The following FAM78B variants were observed in gnomAD, a reference collection of about 807,000 sequenced individuals.
The protein encoded by FAM78B is protein FAM78B.
FAM78B carries 10 observed loss-of-function variants against 20.0 expected under a neutral mutation model. That is an observed-to-expected ratio of 0.50 (90% CI 0.31 to 0.85). The LOEUF is 0.85. Ranked by LOEUF, FAM78B falls within the 40% of genes least tolerant of loss-of-function variation. The pLI, the probability that FAM78B is intolerant of heterozygous loss-of-function variation, is 0.05. For missense variants in FAM78B, 283 were observed against 345.0 expected (o/e 0.82, Z 1.42); for synonymous variants, 135 against 132.8 (o/e 1.02, Z -0.12).
At chr1:166,073,536 C>CTCTCT (rs762008469) in intron 1 of FAM78B, among the ~76,000 whole-genome samples, 1 of 135,784 alleles carries the variant, frequency 7.4e-6, no homozygotes, top group African/African-American at 2.7e-5. Flanking sequence ...CTCTTTCTCT[C>CTCTCT]TTTTTTTTTT....
At chr1:166,108,344 C>A (rs1653868816) in intron 1 of FAM78B, among the ~76,000 whole-genome samples, 1 of 152,144 alleles carries the variant, frequency 6.6e-6, no homozygotes, top group Non-Finnish European at 1.5e-5. Flanking sequence ...CTTCTATACA[C>A]CAACAGTGAC....
intron 1 of FAM78B, among the ~76,000 whole-genome samples, chr1:166,107,909 C>T (rs145934681): frequency 7.0e-4 from 107 of 152,188 alleles, no homozygotes; most frequent in African/African-American, 2.4e-3. Flanking sequence ...ATCATTTCAA[C>T]AGCTGCAGAA....
In FAM78B at chr1:166,166,841, G is replaced by T. The variant is rs1276661903; in HGVS notation, c.-593C>A. On this transcript the variant is annotated 5_prime_UTR_variant, in exon 1 of 2. Transcript: ENST00000354422. ...GCAGCAGCGGCGGCGGCGGCGACCG[G>T]AGCTCCCGCCGGCCCCGCCCCGTAG... is the stretch of plus-strand genomic sequence containing the variant. 6.6e-6 allele frequency: 1 copy of T among 150,952 alleles called. No homozygotes were observed. The highest frequency in any genetic ancestry group is 1.9e-4 in the South Asian group (1 of 5,156). 9.4% of individuals were successfully genotyped at this position (150,952 alleles called of 1,614,324 possible).
chr1:166,144,429 C>G (rs180992078), intron 1 of FAM78B, among the ~76,000 whole-genome samples: 1 of 152,252 alleles, frequency 6.6e-6, no homozygotes, highest in Non-Finnish European at 1.5e-5. Flanking sequence ...TCACAGGAAC[C>G]CTTAAACTGC....
In FAM78B at chr1:166,166,302, G is replaced by A. The variant is rs1656379361; in HGVS notation, c.-54C>T. On this transcript the variant is annotated 5_prime_UTR_variant, in exon 1 of 2. Transcript: ENST00000354422. ...CGTGGGGCAGCGCGGGGGCCCGCGC[G>A]GGCAGCCGGGGGCGCCCGTCACGCC... 2 of 1,158,282 alleles carry A rather than the reference G, an allele frequency of 1.7e-6. No homozygotes were observed. Among genetic ancestry groups the A allele is most frequent in the East Asian group, 4.1e-5 (1 of 24,190 alleles). 71.8% of individuals were successfully genotyped at this position (1,158,282 alleles called of 1,614,324 possible).
At chr1:166,109,037 A>C (rs746153534) in intron 1 of FAM78B, among the ~76,000 whole-genome samples, 7 of 152,190 alleles carry the variant, frequency 4.6e-5, no homozygotes, top group Non-Finnish European at 7.3e-5. Flanking sequence ...TAAACCTAAG[A>C]CCCAAAACTA....
At chr1:166,132,924 A>C (rs1312884856) in intron 1 of FAM78B, among the ~76,000 whole-genome samples, 1 of 152,210 alleles carries the variant, frequency 6.6e-6, no homozygotes, top group Admixed American at 6.5e-5. Flanking sequence ...TGATAAGGGC[A>C]GTTTGTAGGG....
At chr1:166,056,373 G>A (rs780419371), downstream of FAM78B, among the ~76,000 whole-genome samples, 17 of 152,058 alleles carry the variant, frequency 1.1e-4, no homozygotes, top group African/African-American at 4.1e-4. Flanking sequence ...CCCACAGAAG[G>A]GTCATATATC....
At chr1:166,115,495 G>A (rs1404334439) in intron 1 of FAM78B, among the ~76,000 whole-genome samples, 1 of 152,232 alleles carries the variant, frequency 6.6e-6, no homozygotes, top group African/African-American at 2.4e-5. Context: ...CAGCCCAGTG[G>A]TGGGACAGAT....
chr1:166,161,026 A>G (rs1289539789), intron 1 of FAM78B, among the ~76,000 whole-genome samples: 1 of 152,240 alleles, frequency 6.6e-6, no homozygotes. Flanking sequence ...GCAGGGAGGA[A>G]GCACATTTCA....
At chr1:166,065,586 G>A (rs1651764557), downstream of FAM78B, among the ~76,000 whole-genome samples, 1 of 152,124 alleles carries the variant, frequency 6.6e-6, no homozygotes, top group South Asian at 2.1e-4. Flanking sequence ...GGACCCTAAG[G>A]TTGGTGATGG....
chr1:166,140,755 GGTA>G (rs1655247907), intron 1 of FAM78B, among the ~76,000 whole-genome samples: 1 of 152,090 alleles, frequency 6.6e-6, no homozygotes, highest in Admixed American at 6.6e-5. Context: ...CTTTTTTGGG[GGTA>G]TGATTTGTAT....
At chr1:166,065,527 G>C (rs1379913859), downstream of FAM78B, among the ~76,000 whole-genome samples, 1 of 152,104 alleles carries the variant, frequency 6.6e-6, no homozygotes, top group African/African-American at 2.4e-5. Flanking sequence ...CAAAGGAAAT[G>C]AAAAACTCTT....
intron 1 of FAM78B, among the ~76,000 whole-genome samples, chr1:166,150,724 G>C (rs140966662): frequency 2.4e-4 from 36 of 152,134 alleles, no homozygotes; most frequent in Non-Finnish European, 4.7e-4. Context: ...CAAGAATATA[G>C]AACATTTGTA....
At chr1:166,154,102 G>A (rs1438712564) in intron 1 of FAM78B, among the ~76,000 whole-genome samples, 1 of 152,236 alleles carries the variant, frequency 6.6e-6, no homozygotes, top group Non-Finnish European at 1.5e-5. Flanking sequence ...GCTCCACAGA[G>A]GCCTCCCAGC....
chr1:166,075,910 T>C (rs1652251430), intron 1 of FAM78B, among the ~76,000 whole-genome samples: 1 of 152,200 alleles, frequency 6.6e-6, no homozygotes, highest in African/African-American at 2.4e-5. Context: ...CCAAAAACTT[T>C]GGAGTCACTC....
At position 166,070,457 on chromosome 1, in the gene FAM78B, C is replaced by A; in HGVS notation, c.570G>T (p.Lys190Asn). 2 of 1,614,234 alleles carry A rather than the reference C, an allele frequency of 1.2e-6. No homozygotes were observed. Among genetic ancestry groups the A allele is most frequent in the Non-Finnish European group, 1.7e-6 (2 of 1,180,046 alleles). Reference sequence around the variant, plus strand: ...CTTCAATGTCCACCCTCATCCTCCACTTGATGGTCTGCAGAATGATCTTCT... The same window carrying A: ...CTTCAATGTCCACCCTCATCCTCCAATTGATGGTCTGCAGAATGATCTTCT... ...TKEKIILQTI[K>N]WRMRVDIEVD... is the part of the protein sequence containing the mutation. Residue 190 changes from lysine to asparagine, a missense_variant, in exon 2 of 2, where the codon AAG becomes AAT. Coordinates refer to ENST00000354422, the MANE Select transcript of FAM78B (RefSeq NM_001017961.5).
downstream of FAM78B, among the ~76,000 whole-genome samples, chr1:166,068,228 G>A (rs935981242): frequency 6.6e-6 from 1 of 152,136 alleles, no homozygotes; most frequent in African/African-American, 2.4e-5. Context: ...TGCTGCCTGT[G>A]GTGTCAGCAT....
intron 1 of FAM78B, among the ~76,000 whole-genome samples, chr1:166,128,114 T>C (rs1165169031): frequency 2.0e-5 from 3 of 152,154 alleles, no homozygotes; most frequent in African/African-American, 4.8e-5. Context: ...AACTGAGAAA[T>C]AGGAGAGCTA....
Sources: allele counts gnomAD v4.1 joint callset (sites outside exome capture counted in the v4.1 genomes callset), GRCh38; gene constraint gnomAD v4.1.1; transcripts MANE v1.5; gene names NCBI Gene and HGNC (gene_info 2026-07-23, HGNC 2026-07-21).